The following GRID2 variants were observed in gnomAD, a reference collection of about 807,000 sequenced individuals.
GRID2 encodes the protein glutamate ionotropic receptor delta type subunit 2.
A neutral mutation model predicts 114.8 loss-of-function variants in GRID2; 33 were observed. That is an observed-to-expected ratio of 0.29 (90% confidence interval 0.22 to 0.38). The LOEUF (loss-of-function observed/expected upper bound fraction) is 0.38. GRID2 is among the 10% of genes least tolerant of loss of function. GRID2 has a pLI of 1.00. For synonymous variants in GRID2, 505 were observed against 449.9 expected (o/e 1.12, Z -1.55); for missense variants, 1,184 against 1,257.7 (o/e 0.94, Z 0.89).
chr4:92,502,902 G>A (rs1264964618), intron 1 of GRID2, among the ~76,000 whole-genome samples: 2 of 151,744 alleles, frequency 1.3e-5, no homozygotes, highest in Non-Finnish European at 2.9e-5. Context: ...ATTTTTAGTA[G>A]AGACGGGGTT....
intron 4 of GRID2, among the ~76,000 whole-genome samples, chr4:93,121,132 G>A (rs1040539402): frequency 1.3e-5 from 2 of 152,136 alleles, no homozygotes; most frequent in East Asian, 3.9e-4. Flanking sequence ...TCAAATTGCT[G>A]TGATAGTTAT....
At chr4:93,512,108 A>G (rs1729248369) in intron 12 of GRID2, among the ~76,000 whole-genome samples, 1 of 152,014 alleles carries the variant, frequency 6.6e-6, no homozygotes, top group Non-Finnish European at 1.5e-5. Flanking sequence ...TCCTCCTATC[A>G]TCTGAGAAAA....
chr4:92,851,078 A>G (rs183538456), intron 2 of GRID2, among the ~76,000 whole-genome samples: 277 of 152,054 alleles, frequency 1.8e-3, no homozygotes, highest in African/African-American at 5.2e-3. Flanking sequence ...TTTAATTTGC[A>G]GCTTATTAAT....
At chr4:92,635,346 G>A (rs1418463467) in intron 2 of GRID2, among the ~76,000 whole-genome samples, 3 of 151,962 alleles carry the variant, frequency 2.0e-5, no homozygotes, top group Admixed American at 6.6e-5. Flanking sequence ...TTAGACTCCC[G>A]ATATTTGTAA....
At chr4:92,813,409 A>G (rs975327548) in intron 2 of GRID2, among the ~76,000 whole-genome samples, 3 of 152,118 alleles carry the variant, frequency 2.0e-5, no homozygotes, top group African/African-American at 7.2e-5. Flanking sequence ...AATAGGTTCT[A>G]CTTAATTATC....
intron 14 of GRID2, among the ~76,000 whole-genome samples, chr4:93,727,327 G>A (rs540670555): frequency 2.0e-5 from 3 of 152,256 alleles, no homozygotes; most frequent in East Asian, 3.9e-4. Context: ...TGCATCCCAG[G>A]GATGAAGCCC....
intron 14 of GRID2, among the ~76,000 whole-genome samples, chr4:93,701,289 G>A (rs1481355088): frequency 6.6e-6 from 1 of 152,102 alleles, no homozygotes; most frequent in Admixed American, 6.6e-5. Context: ...TAGAGCTAAC[G>A]CTTCCAGTGC....
intron 2 of GRID2, among the ~76,000 whole-genome samples, chr4:92,881,505 C>T (rs1002361328): frequency 1.5e-4 from 23 of 151,908 alleles, no homozygotes; most frequent in African/African-American, 5.6e-4. Context: ...CGTCTGCTTC[C>T]TTTTTTTTCC....
chr4:93,310,778 G>T (rs184967911), intron 8 of GRID2, among the ~76,000 whole-genome samples: 1 of 152,252 alleles, frequency 6.6e-6, no homozygotes, highest in South Asian at 2.1e-4. Context: ...TTGGGGTCTG[G>T]GATCCAGGAG....
chr4:93,026,529 A>C (rs1048468414), intron 2 of GRID2, among the ~76,000 whole-genome samples: 1 of 151,920 alleles, frequency 6.6e-6, no homozygotes, highest in Non-Finnish European at 1.5e-5. Context: ...AATGCTTGAA[A>C]ATCAGTTCCA....
chr4:92,676,156 G>GCTCCCC (rs1733349876), intron 2 of GRID2, among the ~76,000 whole-genome samples: 1 of 25,066 alleles, frequency 4.0e-5, no homozygotes, highest in Non-Finnish European at 7.8e-5. Context: ...GTCGTGTCAA[G>GCTCCCC]CCCCCCCCCC....
At chr4:93,449,738 A>G (rs2149403459) in intron 10 of GRID2, among the ~76,000 whole-genome samples, 1 of 152,212 alleles carries the variant, frequency 6.6e-6, no homozygotes, top group East Asian at 1.9e-4. Context: ...TTAGAGGCAT[A>G]TTGCCATACT....
chr4:93,006,689 C>T (rs1256339763), intron 2 of GRID2, among the ~76,000 whole-genome samples: 1 of 150,114 alleles, frequency 6.7e-6, no homozygotes. Flanking sequence ...ATTAACTACA[C>T]AAGACAATGT....
At chr4:92,713,047 C>A (rs966825984) in intron 2 of GRID2, among the ~76,000 whole-genome samples, 1 of 150,924 alleles carries the variant, frequency 6.6e-6, no homozygotes, top group African/African-American at 2.4e-5. Context: ...GCACAACGTG[C>A]AGATTAGTTA....
chr4:92,815,517 G>A (rs1304498861), intron 2 of GRID2, among the ~76,000 whole-genome samples: 1 of 152,084 alleles, frequency 6.6e-6, no homozygotes, highest in Non-Finnish European at 1.5e-5. Context: ...TTAAATAAAG[G>A]TAGGTATAGG....
At chr4:93,050,215 C>T (rs1726555235) in intron 2 of GRID2, among the ~76,000 whole-genome samples, 1 of 152,058 alleles carries the variant, frequency 6.6e-6, no homozygotes, top group Non-Finnish European at 1.5e-5. Context: ...GTGGCATCTT[C>T]ATTTAATATT....
At chr4:93,015,082 AG>A (rs1406408660) in intron 2 of GRID2, among the ~76,000 whole-genome samples, 2 of 152,200 alleles carry the variant, frequency 1.3e-5, no homozygotes, top group African/African-American at 2.4e-5. Context: ...CTTAACAGAG[AG>A]GCTTCATGAG....
intron 1 of GRID2, among the ~76,000 whole-genome samples, chr4:92,367,749 T>C (rs1351771897): frequency 1.3e-5 from 2 of 152,116 alleles, no homozygotes. Flanking sequence ...TGTGTCTCTT[T>C]GTAGAGAATA....
At chr4:93,045,150 G>C (rs1398362358) in intron 2 of GRID2, among the ~76,000 whole-genome samples, 1 of 152,042 alleles carries the variant, frequency 6.6e-6, no homozygotes, top group African/African-American at 2.4e-5. Flanking sequence ...GTGCAGAATC[G>C]ACTATGTCTA....
Sources: gnomAD v4.1 joint callset for allele counts (sites outside exome capture counted in the v4.1 genomes callset) on GRCh38, gnomAD v4.1.1 for gene constraint, MANE v1.5 for transcripts, NCBI Gene and HGNC (gene_info 2026-07-23, HGNC 2026-07-21) for gene names.